The following RIMS2 variants were observed in gnomAD, a reference collection of about 807,000 sequenced individuals.
RIMS2 encodes the protein regulating synaptic membrane exocytosis protein 2.
RIMS2 carries 59 observed loss-of-function variants against 174.4 expected under a neutral mutation model. The observed-to-expected ratio is 0.34, with a 90% confidence interval of 0.27 to 0.42. The LOEUF (loss-of-function observed/expected upper bound fraction) is 0.42, where lower values mean the gene tolerates loss of function less well. Among genes scored for constraint, RIMS2 ranks in the 10% least tolerant of loss-of-function variants. RIMS2 has a pLI of 1.00. For missense variants in RIMS2, 1,620 were observed against 1,666.3 expected, an observed-to-expected ratio of 0.97 and a Z score of 0.48; for synonymous variants, 606 against 572.5, an observed-to-expected ratio of 1.06 and a Z score of -0.84.
chr8:103,931,119 A>C, intron 11 of RIMS2, 144 bp from the exon 14 acceptor site: 1 of 547,384 alleles, frequency 1.8e-6, no homozygotes, highest in Middle Eastern at 5.1e-4. Context: ...ATATCCTTTT[A>C]TTTTAACTAG....
intron 1 of RIMS2, among the ~76,000 whole-genome samples, chr8:103,679,980 C>T (rs1416353834): frequency 6.6e-6 from 1 of 152,008 alleles, no homozygotes; most frequent in East Asian, 1.9e-4. Context: ...ATCGCAGTGG[C>T]AGAGTTGAGT....
rs188231814 is a variant in RIMS2 at position 103,931,554 on chromosome 8, A to G, written c.2375+161A>G. Among the ~76,000 whole-genome samples the G allele has an allele frequency of 1.1e-4, 17 of 152,246 alleles. No individual in the cohort carries two copies. The East Asian group carries it at 2.9e-3, about 26-fold the overall frequency. On this transcript the variant is annotated intron_variant, in intron 12 of 23. Transcript: ENST00000504942. ...TTAGGAAACAAAATAGTGACAGTAA[A>G]TAAGATTTTTTAAAACTCACATGTC... is the stretch of plus-strand genomic sequence containing the variant.
intron 19 of RIMS2, among the ~76,000 whole-genome samples, chr8:104,127,545 C>G (rs1483905434): frequency 2.6e-5 from 4 of 152,154 alleles, no homozygotes; most frequent in Admixed American, 1.3e-4. Context: ...TGAATCCTGG[C>G]TCTCCCACTT....
chr8:103,676,502 T>A (rs1431973938), intron 1 of RIMS2, among the ~76,000 whole-genome samples: 1 of 152,170 alleles, frequency 6.6e-6, no homozygotes, highest in Non-Finnish European at 1.5e-5. Context: ...GAACAGGATA[T>A]TAATTAAGCC....
At chr8:103,750,609 A>G (rs66604513) in intron 2 of RIMS2, among the ~76,000 whole-genome samples, 34,975 of 151,990 alleles carry the variant, frequency 0.23, 4,348 homozygotes, top group Non-Finnish European at 0.25. Context: ...GGGACCAAGT[A>G]GAAATCATTG....
intron 19 of RIMS2, among the ~76,000 whole-genome samples, chr8:104,025,153 CT>C (rs2096221322): frequency 6.6e-6 from 1 of 151,854 alleles, no homozygotes; most frequent in African/African-American, 2.4e-5. Context: ...TATAAATCTA[CT>C]TTTTAAAATA....
intron 1 of RIMS2, among the ~76,000 whole-genome samples, chr8:103,567,289 C>T (rs1441602597): frequency 6.6e-6 from 1 of 152,104 alleles, no homozygotes; most frequent in Non-Finnish European, 1.5e-5. Flanking sequence ...CAAAAGGAAA[C>T]CCTGTATTCA....
intron 19 of RIMS2, among the ~76,000 whole-genome samples, chr8:104,032,926 A>G (rs1484205562): frequency 6.6e-6 from 1 of 151,970 alleles, no homozygotes; most frequent in Admixed American, 6.6e-5. Context: ...CACACAGCAT[A>G]TTATGTCTGT....
chr8:103,563,065 TC>T (rs1217564061), intron 1 of RIMS2, among the ~76,000 whole-genome samples: 3 of 151,994 alleles, frequency 2.0e-5, no homozygotes, highest in African/African-American at 7.3e-5. Flanking sequence ...CTCCTAAATC[TC>T]CAGGCCTGTG....
chr8:103,734,901 T>G (rs1228048839), intron 2 of RIMS2, among the ~76,000 whole-genome samples: 1 of 148,106 alleles, frequency 6.8e-6, no homozygotes, highest in Non-Finnish European at 1.5e-5. Context: ...CTCAGTTTTC[T>G]AATCACACTT....
chr8:104,026,593 T>C (rs138486702), intron 19 of RIMS2, among the ~76,000 whole-genome samples: 25 of 152,138 alleles, frequency 1.6e-4, no homozygotes, highest in African/African-American at 5.8e-4. Context: ...TTCTACATTG[T>C]TTCAAATACA....
At chr8:104,020,036 GT>G (rs1184451911) in intron 19 of RIMS2, among the ~76,000 whole-genome samples, 3 of 152,124 alleles carry the variant, frequency 2.0e-5, no homozygotes, top group South Asian at 2.1e-4. Context: ...AGTTGCATCA[GT>G]TTTTAAATTA....
intron 1 of RIMS2, among the ~76,000 whole-genome samples, chr8:103,596,078 C>T (rs1256649817): frequency 6.6e-6 from 1 of 151,918 alleles, no homozygotes; most frequent in Non-Finnish European, 1.5e-5. Flanking sequence ...TTAATTTGAA[C>T]TTATTTTCAT....
intron 1 of RIMS2, among the ~76,000 whole-genome samples, chr8:103,609,048 C>G (rs978215111): frequency 6.6e-6 from 1 of 152,192 alleles, no homozygotes; most frequent in Non-Finnish European, 1.5e-5. Context: ...TAATATCTAT[C>G]TGACTGGTGT....
chr8:103,975,302 G>T, intron 15 of RIMS2, 48 bp from the exon 18 acceptor site: 1 of 1,347,374 alleles, frequency 7.4e-7, no homozygotes, highest in Non-Finnish European at 1.0e-6. Flanking sequence ...AGACGCAAAG[G>T]ACTTTGTACA....
chr8:103,776,156 G>A (rs1303442287), intron 3 of RIMS2, among the ~76,000 whole-genome samples: 1 of 152,128 alleles, frequency 6.6e-6, no homozygotes, highest in Non-Finnish European at 1.5e-5. Flanking sequence ...TCCTGTGTGG[G>A]ATGCATGTAT....
intron 1 of RIMS2, among the ~76,000 whole-genome samples, chr8:103,550,150 T>A (rs994752756): frequency 6.6e-6 from 1 of 152,174 alleles, no homozygotes; most frequent in Non-Finnish European, 1.5e-5. Flanking sequence ...CAACAGAATA[T>A]ACATTCTTCT....
chr8:103,926,448 T>TGAAAGA lies in RIMS2; in HGVS notation c.2197-1391_2197-1386dup, dbSNP rs1301146421. On this transcript the variant is annotated intron_variant, in intron 10 of 23. Coordinates refer to ENST00000504942, the Ensembl canonical transcript of RIMS2. The stretch of plus-strand genomic sequence containing the variant: ...CTTAGATTTGAAACTGCCTTGGTTT[T>TGAAAGA]GAAAGAGACAGAGACAGAGAGAGAG... 2.0e-5 allele frequency among the ~76,000 whole-genome samples: 3 copies of TGAAAGA among 151,560 alleles called. No homozygotes were observed. The East Asian group carries it at 5.8e-4, about 29-fold the overall frequency.
chr8:103,639,074 G>A (rs2096162709), intron 1 of RIMS2, among the ~76,000 whole-genome samples: 1 of 151,852 alleles, frequency 6.6e-6, no homozygotes, highest in Middle Eastern at 3.2e-3. Context: ...TATAAATGTA[G>A]AATAGTTTCA....
Sources: gnomAD v4.1 joint callset for allele counts (sites outside exome capture counted in the v4.1 genomes callset) on GRCh38, gnomAD v4.1.1 for gene constraint, MANE v1.5 for transcripts, NCBI Gene and HGNC (gene_info 2026-07-23, HGNC 2026-07-21) for gene names.